NYAP2: variants seen among roughly 807,000 people sequenced by gnomAD.
NYAP2 encodes the protein neuronal tyrosine-phosphorylated phosphoinositide-3-kinase adaptor 2.
NYAP2 carries 23 observed loss-of-function variants against 50.4 expected under a neutral mutation model. That is an observed-to-expected ratio of 0.46 (90% CI 0.33 to 0.65). The LOEUF is 0.65. Among genes scored for constraint, NYAP2 ranks in the 30% least tolerant of loss-of-function variants. NYAP2 has a pLI of 0.02. For missense variants in NYAP2, 885 were observed against 861.0 expected, an observed-to-expected ratio of 1.03 and a Z score of -0.35; for synonymous variants, 394 against 365.2, an observed-to-expected ratio of 1.08 and a Z score of -0.90.
intron 3 of NYAP2, among the ~76,000 whole-genome samples, chr2:225,476,743 A>T (rs1387870190): frequency 1.3e-5 from 2 of 152,196 alleles, no homozygotes; most frequent in African/African-American, 2.4e-5. Context: ...AATTGAAGAG[A>T]TACATACATC....
chr2:225,399,630 G>A (rs1436636203), upstream of NYAP2: 1 of 152,000 alleles, frequency 6.6e-6, no homozygotes, highest in Admixed American at 6.6e-5. Context: ...TGCCATGGGA[G>A]CAGGTGGCAT....
chr2:225,681,214 T>C, the NYAP2 span, among the ~76,000 whole-genome samples: 2 of 152,228 alleles, frequency 1.3e-5, no homozygotes, highest in East Asian at 1.9e-4. Context: ...AACTCTGTTC[T>C]ACTGAATCTG....
chr2:225,622,559 TTTTC>T (rs778096224), intron 5 of NYAP2, among the ~76,000 whole-genome samples: 11,881 of 56,340 alleles, frequency 0.21, 619 homozygotes, highest in East Asian at 0.26. Context: ...CTTTCTTTCT[TTTTC>T]TTTCTTTCTT....
chr2:225,519,988 A>T lies in NYAP2; in HGVS notation c.523+6316A>T, dbSNP rs558153435. Among the ~76,000 whole-genome samples the T allele has an allele frequency of 2.0e-5, 3 of 152,070 alleles. No individual in the cohort carries two copies. In the South Asian group the frequency reaches 6.2e-4, roughly 32 times the overall value. On this transcript the variant is annotated intron_variant, in intron 4 of 6. Coordinates refer to ENST00000636099, the Ensembl canonical transcript of NYAP2. ...TCTAACTGGTGTGAGATGGTATCTC[A>T]TTGTGGTTTTGATTTGCATTTCTCT...
intron 4 of NYAP2, among the ~76,000 whole-genome samples, chr2:225,552,033 G>A (rs1357365463): frequency 2.0e-5 from 3 of 152,020 alleles, no homozygotes; most frequent in Admixed American, 1.3e-4. Flanking sequence ...GGTTGGTCTC[G>A]AACTCTTGAC....
chr2:225,690,570 C>A, the NYAP2 span, among the ~76,000 whole-genome samples: 1 of 151,906 alleles, frequency 6.6e-6, no homozygotes, highest in Non-Finnish European at 1.5e-5. Context: ...AACTAAGTAA[C>A]CTCTGCAGGG....
chr2:225,524,379 A>G (rs964985989), intron 4 of NYAP2, among the ~76,000 whole-genome samples: 5 of 152,198 alleles, frequency 3.3e-5, no homozygotes, highest in Non-Finnish European at 5.9e-5. Context: ...ACCTGCTTTT[A>G]TTCTAGCCAT....
chr2:225,518,131 CACACACACAT>C (rs1388608505), intron 4 of NYAP2, among the ~76,000 whole-genome samples: 5 of 151,992 alleles, frequency 3.3e-5, no homozygotes, highest in Non-Finnish European at 1.5e-5. Context: ...CACACAAACA[CACACACACAT>C]ACACACACAT....
chr2:225,651,557 C>A, exon 7 of NYAP2: 1 of 1,613,822 alleles, frequency 6.2e-7, no homozygotes, highest in Non-Finnish European at 8.5e-7. Flanking sequence ...GTTAGCCAAT[C>A]GTGATTGACT....
At chr2:225,636,856 A>G (rs1693428514) in intron 6 of NYAP2, among the ~76,000 whole-genome samples, 1 of 152,210 alleles carries the variant, frequency 6.6e-6, no homozygotes, top group African/African-American at 2.4e-5. Context: ...GAGAAAGCAC[A>G]GCATGGAATA....
At chr2:225,662,824 T>C in the NYAP2 span, among the ~76,000 whole-genome samples, 1 of 152,184 alleles carries the variant, frequency 6.6e-6, no homozygotes, top group Admixed American at 6.5e-5. Context: ...AGGAACGATC[T>C]AGGAAGGAAC....
chr2:225,402,411 T>A (rs947717176), intron 2 of NYAP2, among the ~76,000 whole-genome samples: 1 of 152,070 alleles, frequency 6.6e-6, no homozygotes, highest in Non-Finnish European at 1.5e-5. Flanking sequence ...TAATGCCTTG[T>A]AAGCATCTGG....
At chr2:225,508,804 C>A (rs966216205) in intron 3 of NYAP2, among the ~76,000 whole-genome samples, 6 of 152,212 alleles carry the variant, frequency 3.9e-5, no homozygotes, top group Admixed American at 2.6e-4. Flanking sequence ...ACAACATAGC[C>A]TCAACTAAAA....
Position 225,515,469 on chromosome 2 carries a change from ATGTGTG to A in NYAP2, c.523+1815_523+1820del, listed in dbSNP as rs112169506. On this transcript the variant is annotated intron_variant, in intron 4 of 6. Coordinates refer to ENST00000636099, the Ensembl canonical transcript of NYAP2. Reference sequence around the variant, plus strand: ...ATGAATAGTGCTACAATGAACATTCATGTGTGTGTGTGTGTGTGTGTGTATAACTGT... The same window carrying A: ...ATGAATAGTGCTACAATGAACATTCATGTGTGTGTGTGTGTGTATAACTGT... Among the ~76,000 whole-genome samples the A allele has an allele frequency of 5.2e-3, 784 of 149,754 alleles. 9 individuals are homozygous for A. Among genetic ancestry groups the A allele is most frequent in the African/African-American group, 0.018 (751 of 40,992 alleles).
At chr2:225,513,385 T>C in exon 4 of NYAP2, 1 of 1,613,986 alleles carries the variant, frequency 6.2e-7, no homozygotes, top group East Asian at 2.2e-5. Context: ...GGTGGAGAAG[T>C]AGGGCGAGGC....
intron 3 of NYAP2, among the ~76,000 whole-genome samples, chr2:225,465,431 C>G (rs752712262): frequency 3.9e-5 from 6 of 152,034 alleles, no homozygotes; most frequent in Non-Finnish European, 7.4e-5. Context: ...AAACCATTCT[C>G]TGGGGCCGGG....
intron 5 of NYAP2, among the ~76,000 whole-genome samples, chr2:225,603,777 C>G (rs757206082): frequency 2.0e-5 from 3 of 152,152 alleles, no homozygotes; most frequent in Non-Finnish European, 4.4e-5. Context: ...TAATCATAAC[C>G]TTATCTGAAG....
At chr2:225,566,239 T>A (rs1468812786) in intron 4 of NYAP2, among the ~76,000 whole-genome samples, 2 of 152,194 alleles carry the variant, frequency 1.3e-5, no homozygotes, top group African/African-American at 4.8e-5. Context: ...ACAGTTCCAC[T>A]AAAGGAAATG....
chr2:225,672,900 G>A, the NYAP2 span, among the ~76,000 whole-genome samples: 14 of 151,980 alleles, frequency 9.2e-5, no homozygotes, highest in Admixed American at 2.0e-4. Flanking sequence ...ATGGTTCGTG[G>A]TGCCCCCAAG....
Sources: gnomAD v4.1 joint callset for allele counts (sites outside exome capture counted in the v4.1 genomes callset) on GRCh38, gnomAD v4.1.1 for gene constraint, MANE v1.5 for transcripts, NCBI Gene and HGNC (gene_info 2026-07-23, HGNC 2026-07-21) for gene names.